COX15: variants seen among roughly 807,000 people sequenced by gnomAD.
COX15 encodes the protein cytochrome c oxidase assembly factor COX15.
In COX15, 51 loss-of-function variants were observed where a neutral mutation model predicts 51.9. That is an observed-to-expected ratio of 0.98 (90% confidence interval 0.78 to 1.24). COX15 has a LOEUF of 1.24. Among genes scored for constraint, COX15 ranks in the 50% most tolerant of loss-of-function variants. The pLI is 0.00. For missense variants in COX15, 420 were observed against 501.1 expected (o/e 0.84, Z 1.55); for synonymous variants, 188 against 190.5 (o/e 0.99, Z 0.11).
Position 99,721,024 on chromosome 10 carries a change from A to G in COX15, c.795T>C (p.His265=), listed in dbSNP as rs1392338923. The change falls in exon 6 of 9, where the codon CAT becomes CAC. Residue 265 remains histidine (H), a synonymous_variant. Transcript: ENST00000016171. ...TAAGGAACACCAGACCTGCTGTTCCATGAGCAAATCGTCTCAACTGTAGGA... is the reference window on the plus strand; with the variant it reads ...TAAGGAACACCAGACCTGCTGTTCCGTGAGCAAATCGTCTCAACTGTAGGA... ...HQLLQLRRFA[H]GTAGLVFLTA... is the part of the protein sequence containing the mutation. 15 of 1,613,800 alleles carry G rather than the reference A, an allele frequency of 9.3e-6. No individual in the cohort carries two copies. The Admixed American group carries it at 2.5e-4, about 27-fold the overall frequency.
At chr10:99,715,030 CAT>C (rs912380988) in intron 8 of COX15, among the ~76,000 whole-genome samples, 6 of 152,188 alleles carry the variant, frequency 3.9e-5, no homozygotes, top group African/African-American at 7.2e-5. Context: ...TTTTAAAAAA[CAT>C]ATTGTTCTGT....
At chr10:99,724,569 G>A (rs2036889061) in intron 4 of COX15, among the ~76,000 whole-genome samples, 3 of 151,512 alleles carry the variant, frequency 2.0e-5, no homozygotes, top group Non-Finnish European at 4.4e-5. Context: ...AATACGCAGT[G>A]TCCCAAGATT....
downstream of COX15, chr10:99,710,331 A>C: frequency 1.0e-6 from 1 of 985,424 alleles, no homozygotes; most frequent in African/African-American, 1.7e-5. Context: ...TGAAATTCTC[A>C]TTCCACAATT....
the COX15 span, among the ~76,000 whole-genome samples, chr10:99,700,392 CCG>C: frequency 1.5e-5 from 2 of 137,204 alleles, no homozygotes; most frequent in Admixed American, 7.5e-5. Context: ...ATCCAACGTA[CCG>C]TGTGTGTGTG....
the COX15 span, among the ~76,000 whole-genome samples, chr10:99,702,919 C>T: frequency 6.6e-6 from 1 of 152,128 alleles, no homozygotes; most frequent in Non-Finnish European, 1.5e-5. Flanking sequence ...TTTCAGAAAT[C>T]CAGCTTTATT....
chr10:99,725,927 G>C (rs779996039), intron 4 of COX15, among the ~76,000 whole-genome samples: 7 of 152,096 alleles, frequency 4.6e-5, no homozygotes, highest in Admixed American at 4.6e-4. Flanking sequence ...ATTAAATTTT[G>C]ATGTTTCTTT....
At chr10:99,709,176 A>G, downstream of COX15, 10 of 985,400 alleles carry the variant, frequency 1.0e-5, no homozygotes, top group Non-Finnish European at 1.1e-5. Context: ...ATAAATGCCT[A>G]TTACATCTAC....
Position 99,711,334 on chromosome 10 carries a change from G to C in COX15, c.*3253C>G. On this transcript the variant is annotated 3_prime_UTR_variant, in exon 9 of 9. Coordinates refer to ENST00000016171, the MANE Select transcript of COX15 (RefSeq NM_078470.6). ...GGTCATACTGCCCTCTGCTGACTCA[G>C]TTACTAACTAAGGACAACCTGGGTT... 1.0e-6 allele frequency: 1 copy of C among 985,424 alleles called. No homozygotes were observed. The highest frequency in any genetic ancestry group is 4.7e-5 in the South Asian group (1 of 21,282). The allele number at this position is 985,424 out of a possible 1,614,324, so 61.0% of individuals were successfully genotyped here.
In COX15 at chr10:99,713,988, AT is replaced by A. The variant is rs1490507472; in HGVS notation, c.*598del. The A allele has an allele frequency of 5.0e-6, 5 of 998,496 alleles. No individual in the cohort carries two copies. In the African/African-American group the frequency reaches 7.0e-5, roughly 14 times the overall value. The allele number at this position is 998,496 out of a possible 1,614,324, so 61.9% of individuals were successfully genotyped here. A position where few individuals can be genotyped will look rare whatever the true frequency, so the allele number is the denominator to read the frequency against. ...CTCTGTCTCAAAAAAAAAAAAAAAAATGGAACTATTTGGCGATTACCTCCTT... is the reference window on the plus strand; with the variant it reads ...CTCTGTCTCAAAAAAAAAAAAAAAAAGGAACTATTTGGCGATTACCTCCTT... On this transcript the variant is annotated 3_prime_UTR_variant, in exon 9 of 9. Coordinates refer to ENST00000016171, the MANE Select transcript of COX15 (RefSeq NM_078470.6).
At chr10:99,729,843 G>T in intron 1 of COX15, 109 bp from the exon 2 acceptor site, 1 of 1,035,954 alleles carries the variant, frequency 9.7e-7, no homozygotes, top group Non-Finnish European at 1.5e-6. Flanking sequence ...CCACAGCCAT[G>T]TCTTGTTAAG....
intron 3 of COX15, 41 bp downstream of exon 3, chr10:99,727,400 G>T: frequency 6.2e-7 from 1 of 1,607,952 alleles, no homozygotes; most frequent in Non-Finnish European, 8.5e-7. Context: ...AAGATCAAAT[G>T]GGCCTACTGG....
intron 1 of COX15, 122 bp downstream of exon 1, chr10:99,731,838 A>C: frequency 8.0e-7 from 1 of 1,253,322 alleles, no homozygotes; most frequent in Non-Finnish European, 1.1e-6. Context: ...ATCTGAACCT[A>C]TGCGTTGTGA....
At position 99,713,097 on chromosome 10, in the gene COX15, G is replaced by A; in HGVS notation, c.*1490C>T. The A allele has an allele frequency of 8.1e-7, 1 of 1,231,930 alleles. No individual in the cohort carries two copies. The highest frequency in any genetic ancestry group is 1.7e-5 in the South Asian group (1 of 59,664). The allele number at this position is 1,231,930 out of a possible 1,614,324, so 76.3% of individuals were successfully genotyped here. A position where few individuals can be genotyped will look rare whatever the true frequency, so the allele number is the denominator to read the frequency against. ...CCCAGAGTGAAATGCAGTATGTTAG[G>A]GGTATTTTGACTATGGCTGTGACAC... On this transcript the variant is annotated 3_prime_UTR_variant, in exon 9 of 9. Transcript: ENST00000016171.
chr10:99,721,534 T>G (rs2036770641), intron 5 of COX15, among the ~76,000 whole-genome samples: 1 of 152,258 alleles, frequency 6.6e-6, no homozygotes, highest in African/African-American at 2.4e-5. Context: ...CCATTTAGTG[T>G]TTTTGATAAA....
chr10:99,707,113 C>T (rs981647382), downstream of COX15, among the ~76,000 whole-genome samples: 4 of 152,156 alleles, frequency 2.6e-5, no homozygotes, highest in Non-Finnish European at 5.9e-5. Context: ...TCTCAGGATA[C>T]CTACATTTAT....
chr10:99,709,732 CTCTG>C, downstream of COX15: 1 of 985,360 alleles, frequency 1.0e-6, no homozygotes, highest in Non-Finnish European at 1.2e-6. Flanking sequence ...TTTAAGCCTG[CTCTG>C]TCTACTTATC....
At chr10:99,700,781 GTGCTAGACATGGGA>G in the COX15 span, 1 of 632,020 alleles carries the variant, frequency 1.6e-6, no homozygotes, top group African/African-American at 1.8e-5. Flanking sequence ...AGCTGGCTTG[GTGCTAGACATGGGA>G]TGACGGGAAT....
chr10:99,723,857 A>G, intron 5 of COX15, 99 bp downstream of exon 5: 3 of 1,379,048 alleles, frequency 2.2e-6, no homozygotes, highest in Non-Finnish European at 3.1e-6. Context: ...TTGGCAAAAT[A>G]TTCAACTCCT....
the COX15 span, chr10:99,704,498 C>T: frequency 2.4e-5 from 39 of 1,614,188 alleles, 1 homozygote; most frequent in East Asian, 1.6e-4. Context: ...TAGCTGGTTC[C>T]GTCTCTCCTT....
Sources: allele counts gnomAD v4.1 joint callset (sites outside exome capture counted in the v4.1 genomes callset), GRCh38; gene constraint gnomAD v4.1.1; transcripts MANE v1.5; gene names NCBI Gene and HGNC (gene_info 2026-07-23, HGNC 2026-07-21).